Variants in PID1 observed in about 807,000 individuals in gnomAD.
The protein encoded by PID1 is PTB-containing, cubilin and LRP1-interacting protein.
PID1 carries 10 observed loss-of-function variants against 19.1 expected under a neutral mutation model. That is an observed-to-expected ratio of 0.52 (90% confidence interval 0.32 to 0.89). The LOEUF (loss-of-function observed/expected upper bound fraction) is 0.89, where lower values mean the gene tolerates loss of function less well. Among genes scored for constraint, PID1 ranks in the 40% least tolerant of loss-of-function variants. The pLI is 0.03. For synonymous variants in PID1, 130 were observed against 116.0 expected (o/e 1.12, Z -0.78); for missense variants, 248 against 285.3 (o/e 0.87, Z 0.94).
intron 1 of PID1, among the ~76,000 whole-genome samples, chr2:229,173,468 G>T (rs186887091): frequency 1.1e-4 from 17 of 152,246 alleles, no homozygotes; most frequent in Admixed American, 1.0e-3. Context: ...ACACAATAAA[G>T]AACCTACCTC....
Position 229,163,674 on chromosome 2 carries a change from T to C in PID1, c.31-7710A>G, listed in dbSNP as rs113888943. Among the ~76,000 whole-genome samples, 532 of 94,478 alleles carry C rather than the reference T, an allele frequency of 5.6e-3. 2 individuals carry two copies. The highest frequency in any genetic ancestry group is 0.012 in the African/African-American group (396 of 32,314). 62.0% of individuals were successfully genotyped at this position (94,478 alleles called of 152,430 possible). A position where few individuals can be genotyped will look rare whatever the true frequency, so the allele number is the denominator to read the frequency against. ...GAGTGTGTGTGTGTGTGTGTGTGTG[T>C]GCGTGTGCGTGTGTGTGTGTGTATA... On this transcript the variant is annotated intron_variant, in intron 1 of 2. Transcript: ENST00000392055.
At chr2:229,184,978 A>G in intron 1 of PID1, among the ~76,000 whole-genome samples, 2 of 26,964 alleles carry the variant, frequency 7.4e-5, no homozygotes, top group South Asian at 5.8e-4. Flanking sequence ...TATACTATAT[A>G]TATACTATAT....
At chr2:229,153,912 ATC>A (rs908925072) in intron 2 of PID1, among the ~76,000 whole-genome samples, 3 of 152,198 alleles carry the variant, frequency 2.0e-5, no homozygotes, top group Non-Finnish European at 4.4e-5. Flanking sequence ...TTGAGGCACC[ATC>A]TTTCCTCATA....
chr2:229,244,182 T>C (rs868235245), intron 1 of PID1, among the ~76,000 whole-genome samples: 4 of 152,152 alleles, frequency 2.6e-5, no homozygotes, highest in South Asian at 2.1e-4. Context: ...CAATGAGACA[T>C]GGGATTTTAA....
intron 2 of PID1, among the ~76,000 whole-genome samples, chr2:229,103,129 A>AT (rs1178087250): frequency 6.6e-6 from 1 of 152,078 alleles, no homozygotes; most frequent in Non-Finnish European, 1.5e-5. Flanking sequence ...CCATATTTCT[A>AT]TTTTTTAAAA....
chr2:229,238,570 T>G (rs1385715664), intron 1 of PID1, among the ~76,000 whole-genome samples: 1 of 152,196 alleles, frequency 6.6e-6, no homozygotes, highest in Non-Finnish European at 1.5e-5. Context: ...TCCCTCTCCT[T>G]GATCAAGGTA....
At chr2:229,085,527 G>A (rs1327570875) in intron 2 of PID1, among the ~76,000 whole-genome samples, 1 of 152,162 alleles carries the variant, frequency 6.6e-6, no homozygotes, top group East Asian at 1.9e-4. Flanking sequence ...TGAAATTCAG[G>A]TTCTGAATCA....
intron 1 of PID1, among the ~76,000 whole-genome samples, chr2:229,179,549 A>C (rs1215856694): frequency 6.6e-6 from 1 of 152,210 alleles, no homozygotes; most frequent in African/African-American, 2.4e-5. Flanking sequence ...TTTTCATACC[A>C]TTTAAAAAGA....
chr2:229,178,953 A>C (rs1330786636), intron 1 of PID1, among the ~76,000 whole-genome samples: 2 of 152,290 alleles, frequency 1.3e-5, no homozygotes, highest in Admixed American at 6.5e-5. Flanking sequence ...GCCCCAACCC[A>C]AAGCCAGATC....
chr2:229,225,679 T>A (rs1692063572), intron 1 of PID1, among the ~76,000 whole-genome samples: 1 of 152,160 alleles, frequency 6.6e-6, no homozygotes, highest in Admixed American at 6.5e-5. Flanking sequence ...GGAAAGAGGA[T>A]TAATTGACTC....
intron 2 of PID1, among the ~76,000 whole-genome samples, chr2:229,072,122 C>A (rs1694467164): frequency 6.6e-6 from 1 of 152,150 alleles, no homozygotes; most frequent in South Asian, 2.1e-4. Flanking sequence ...GTCCATCAAT[C>A]TGAACCAAGT....
intron 2 of PID1, among the ~76,000 whole-genome samples, chr2:229,100,220 A>G (rs965498067): frequency 7.9e-5 from 12 of 152,242 alleles, no homozygotes; most frequent in Non-Finnish European, 1.8e-4. Flanking sequence ...GGAATTTGTC[A>G]TAGCAGTCCA....
chr2:229,118,401 G>A (rs1470972648), intron 2 of PID1, among the ~76,000 whole-genome samples: 4 of 152,120 alleles, frequency 2.6e-5, no homozygotes, highest in Non-Finnish European at 4.4e-5. Context: ...GTGCCTATAT[G>A]ACAGAATAAT....
chr2:229,050,720 A>T (rs6748136), intron 2 of PID1, among the ~76,000 whole-genome samples: 32,745 of 152,022 alleles, frequency 0.22, 6,193 homozygotes, highest in African/African-American at 0.51. Flanking sequence ...TGAGTGTCCC[A>T]TCTCAAGCTC....
At chr2:229,244,595 T>G (rs1381720728) in intron 1 of PID1, among the ~76,000 whole-genome samples, 1 of 152,166 alleles carries the variant, frequency 6.6e-6, no homozygotes, top group Non-Finnish European at 1.5e-5. Flanking sequence ...AGGTAACCTC[T>G]CATAAGAAAG....
rs543995437 is a variant in PID1 at position 229,109,641 on chromosome 2, A to G, written c.177+46177T>C. On this transcript the variant is annotated intron_variant, in intron 2 of 2. Coordinates refer to ENST00000392055, the MANE Select transcript of PID1 (RefSeq NM_001100818.2). ...GGCCAGTAGAGCAATGCTCATAAAC[A>G]GGAAACTGAGATATTGTCTACTTTT... Among the ~76,000 whole-genome samples, 4 of 152,376 alleles carry G rather than the reference A, an allele frequency of 2.6e-5. No individual in the cohort carries two copies. In the South Asian group the frequency reaches 8.3e-4, roughly 32 times the overall value.
In PID1 at chr2:229,164,262, G is replaced by A. The variant is rs566013039; in HGVS notation, c.31-8298C>T. Among the ~76,000 whole-genome samples the A allele has an allele frequency of 5.3e-5, 8 of 151,628 alleles. No homozygotes were observed. The East Asian group carries it at 9.7e-4, about 18-fold the overall frequency. On this transcript the variant is annotated intron_variant, in intron 1 of 2. Transcript: ENST00000392055. ...GAATTTGCAACCCCTGATGTAAAAC[G>A]CCAAATGCTAGGAGCACAGAACAAA...
intron 1 of PID1, among the ~76,000 whole-genome samples, chr2:229,163,680 T>TGTGTGTGTGTGTGTGTGTGTGTGCGCGC (rs1365270238): frequency 9.6e-6 from 1 of 103,714 alleles, no homozygotes. Context: ...TGTGTGCGTG[T>TGTGTGTGTGTGTGTGTGTGTGTGCGCGC]GCGTGTGTGT....
chr2:229,249,820 G>A (rs572758532), intron 1 of PID1, among the ~76,000 whole-genome samples: 2 of 112,412 alleles, frequency 1.8e-5, no homozygotes, highest in Admixed American at 1.7e-4. Context: ...CAGGGCAGGC[G>A]GCTGACAGGA....
Sources: gnomAD v4.1 joint callset for allele counts (sites outside exome capture counted in the v4.1 genomes callset) on GRCh38, gnomAD v4.1.1 for gene constraint, MANE v1.5 for transcripts, NCBI Gene and HGNC (gene_info 2026-07-23, HGNC 2026-07-21) for gene names.